The following ZNF519 variants were observed in gnomAD, a reference collection of about 807,000 sequenced individuals.
ZNF519 encodes similar to Zinc finger protein 85 (Zinc finger protein HPF4) (HTF1).
Under a neutral mutation model 7.4 loss-of-function variants are expected in ZNF519, and 7 were observed. The observed-to-expected ratio is 0.94, with a 90% CI of 0.54 to 1.77. ZNF519 has a LOEUF of 1.77. ZNF519 is among the 40% of genes most tolerant of loss of function. The probability of loss-of-function intolerance (pLI) is 0.00; values close to 1 mark genes in which losing one functional copy is unlikely to be tolerated. For synonymous variants in ZNF519, 179 were observed against 203.3 expected (o/e 0.88, Z 1.02); for missense variants, 586 against 623.1 (o/e 0.94, Z 0.63).
At chr18:14,089,273 C>A (rs529293375) in intron 2 of ZNF519, among the ~76,000 whole-genome samples, 17 of 152,124 alleles carry the variant, frequency 1.1e-4, no homozygotes, top group Non-Finnish European at 2.4e-4. Context: ...TGAAACTAGA[C>A]TAACTTGTAT....
intron 2 of ZNF519, among the ~76,000 whole-genome samples, chr18:14,121,374 A>G (rs1360596429): frequency 6.6e-6 from 1 of 152,132 alleles, no homozygotes; most frequent in Non-Finnish European, 1.5e-5. Flanking sequence ...TTATCCATGT[A>G]AGGTAATAGA....
intron 2 of ZNF519, chr18:14,121,728 G>A (rs141268099): frequency 6.6e-4 from 101 of 152,120 alleles, no homozygotes; most frequent in African/African-American, 2.0e-3. Flanking sequence ...ACACATATAC[G>A]ATTTATATAG....
intron 3 of ZNF519, among the ~76,000 whole-genome samples, chr18:14,081,203 A>T (rs2046069547): frequency 6.6e-6 from 1 of 152,168 alleles, no homozygotes; most frequent in South Asian, 2.1e-4. Context: ...ATTGTAAGAA[A>T]CATGTCACTC....
intron 3 of ZNF519, among the ~76,000 whole-genome samples, chr18:14,080,541 C>T (rs1472026275): frequency 2.6e-5 from 4 of 152,074 alleles, no homozygotes; most frequent in Non-Finnish European, 1.5e-5. Flanking sequence ...AGGATGGTCT[C>T]GATCTCTTGA....
chr18:14,078,767 T>C (rs902789343), intron 3 of ZNF519, among the ~76,000 whole-genome samples: 3 of 150,014 alleles, frequency 2.0e-5, no homozygotes, highest in Non-Finnish European at 4.5e-5. Flanking sequence ...AATCCATCAA[T>C]AGAATTAATC....
In ZNF519 at chr18:14,120,664, A is replaced by C. The variant is rs147176967; in HGVS notation, c.130+3686T>G. Among the ~76,000 whole-genome samples, 290 of 152,134 alleles carry C rather than the reference A, an allele frequency of 1.9e-3. 2 individuals carry two copies. Among genetic ancestry groups the C allele is most frequent in the African/African-American group, 6.7e-3 (277 of 41,404 alleles). ...AAGTTAATATCCAAAATGTGTAAGA[A>C]ACTTCTGCAATTCAAAGCAAAACAA... On this transcript the variant is annotated intron_variant, in intron 2 of 2. Transcript: ENST00000590202.
chr18:14,078,996 T>C (rs2046059723), intron 3 of ZNF519, among the ~76,000 whole-genome samples: 1 of 152,176 alleles, frequency 6.6e-6, no homozygotes, highest in African/African-American at 2.4e-5. Context: ...GAAGCACCAG[T>C]ATCCTTGGCA....
At chr18:14,120,723 G>T (rs1166950903) in intron 2 of ZNF519, among the ~76,000 whole-genome samples, 1 of 151,958 alleles carries the variant, frequency 6.6e-6, no homozygotes, top group Non-Finnish European at 1.5e-5. Context: ...ATAGACAAAA[G>T]ATTATTTTTC....
intron 2 of ZNF519, among the ~76,000 whole-genome samples, chr18:14,112,637 G>A (rs1266460836): frequency 2.6e-5 from 4 of 152,006 alleles, no homozygotes; most frequent in African/African-American, 4.8e-5. Context: ...TATACCAACA[G>A]TGAACAATGT....
chr18:14,132,149 G>A, intron 1 of ZNF519, 126 bp downstream of exon 1: 1 of 1,105,332 alleles, frequency 9.0e-7, no homozygotes, highest in Admixed American at 1.7e-5. Flanking sequence ...CGGAGTCCCT[G>A]CACCGGAGGG....
At position 14,131,396 on chromosome 18, in the gene ZNF519, T is replaced by C. The variant is rs73958144; in HGVS notation, c.3+879A>G. 1.6e-3 allele frequency among the ~76,000 whole-genome samples: 238 copies of C among 152,278 alleles called. 2 individuals carry two copies. The highest frequency in any genetic ancestry group is 5.5e-3 in the African/African-American group (229 of 41,542). ...TTGATAATGTATGGGAGCGTAGAAG[T>C]TGGCTTTGGGGAATGTCAGCAAGAA... is the stretch of plus-strand genomic sequence containing the variant. On this transcript the variant is annotated intron_variant, in intron 1 of 2. Coordinates refer to ENST00000590202, the MANE Select transcript of ZNF519 (RefSeq NM_145287.4).
In ZNF519 at chr18:14,088,604, C is replaced by T. The variant is rs531273996; in HGVS notation, c.131-3528G>A. ...AAAAATGAGTTCTGGCATATCCATC[C>T]CTTATCAAAGAAAAGATAAAAGTTG... On this transcript the variant is annotated intron_variant and NMD_transcript_variant, in intron 2 of 4. Coordinates refer to the ZNF519 transcript ENST00000587419. Among the ~76,000 whole-genome samples, 9 of 152,128 alleles carry T rather than the reference C, an allele frequency of 5.9e-5. No individual in the cohort carries two copies. The South Asian group carries it at 1.9e-3, about 32-fold the overall frequency.
At chr18:14,107,858 G>A (rs1271964653) in intron 2 of ZNF519, among the ~76,000 whole-genome samples, 1 of 152,072 alleles carries the variant, frequency 6.6e-6, no homozygotes, top group Non-Finnish European at 1.5e-5. Flanking sequence ...GAATAAGGAC[G>A]GAAAAATGGG....
At chr18:14,079,034 C>T in intron 3 of ZNF519, among the ~76,000 whole-genome samples, 1 of 152,186 alleles carries the variant, frequency 6.6e-6, no homozygotes, top group Non-Finnish European at 1.5e-5. Context: ...GTGGAAGTGA[C>T]AGGCACCCTG....
chr18:14,121,075 G>A (rs1486036969), intron 2 of ZNF519, among the ~76,000 whole-genome samples: 2 of 151,956 alleles, frequency 1.3e-5, no homozygotes, highest in African/African-American at 4.8e-5. Flanking sequence ...ATGAAATAAG[G>A]CAAACACAGA....
chr18:14,090,208 A>C (rs1315770407), intron 2 of ZNF519: 1 of 152,210 alleles, frequency 6.6e-6, no homozygotes, highest in Non-Finnish European at 1.5e-5. Context: ...CACTAGCTAC[A>C]CAGATTGAGG....
intron 2 of ZNF519, among the ~76,000 whole-genome samples, chr18:14,118,766 C>G (rs1313494051): frequency 6.6e-6 from 1 of 152,118 alleles, no homozygotes; most frequent in Non-Finnish European, 1.5e-5. Context: ...AAGAGAGATG[C>G]AGGAAGACAC....
chr18:14,120,558 A>T (rs1401697273), intron 2 of ZNF519, among the ~76,000 whole-genome samples: 1 of 152,140 alleles, frequency 6.6e-6, no homozygotes, highest in Admixed American at 6.5e-5. Flanking sequence ...GCATCAAAGT[A>T]AACAGCTTCT....
rs1278919088 is a variant in ZNF519 at position 14,086,565 on chromosome 18, G to A, written c.131-1489C>T. ...ACATGTGGCCTTGCAGCCCAGTGCTGAGCTCACTACAGAGATCCAGCCCTG... is the reference window on the plus strand; with the variant it reads ...ACATGTGGCCTTGCAGCCCAGTGCTAAGCTCACTACAGAGATCCAGCCCTG... On this transcript the variant is annotated intron_variant and NMD_transcript_variant, in intron 2 of 4. Transcript: ENST00000587419. Among the ~76,000 whole-genome samples the A allele has an allele frequency of 2.0e-5, 3 of 152,270 alleles. No homozygotes were observed. In the East Asian group the frequency reaches 5.8e-4, roughly 29 times the overall value.
Sources: gnomAD v4.1 joint callset for allele counts (sites outside exome capture counted in the v4.1 genomes callset) on GRCh38, gnomAD v4.1.1 for gene constraint, MANE v1.5 for transcripts, NCBI Gene and HGNC (gene_info 2026-07-23, HGNC 2026-07-21) for gene names.